The following DACH1 variants were observed in gnomAD, a reference collection of about 807,000 sequenced individuals.
The protein encoded by DACH1 is dachshund family transcription factor 1, also known as dachshund homolog 1.
In DACH1, 12 loss-of-function variants were observed where a neutral mutation model predicts 54.2. The ratio of observed to expected loss-of-function variants is 0.22; its 90% CI spans 0.14 to 0.36. DACH1 has a LOEUF of 0.36. Ranked by LOEUF, DACH1 falls within the 10% of genes least tolerant of loss-of-function variation. The probability of loss-of-function intolerance (pLI) is 1.00; values close to 1 mark genes in which losing one functional copy is unlikely to be tolerated. For missense variants in DACH1, 805 were observed against 929.8 expected, an observed-to-expected ratio of 0.87 and a Z score of 1.75; for synonymous variants, 386 against 366.2, an observed-to-expected ratio of 1.05 and a Z score of -0.62.
At chr13:71,625,452 A>G (rs1876576567) in intron 3 of DACH1, among the ~76,000 whole-genome samples, 1 of 152,070 alleles carries the variant, frequency 6.6e-6, no homozygotes, top group South Asian at 2.1e-4. Flanking sequence ...TTGTTTCTGC[A>G]GGAATGGTTA....
intron 1 of DACH1, among the ~76,000 whole-genome samples, chr13:71,813,159 GAAGAA>G (rs1175284290): frequency 1.3e-5 from 2 of 152,092 alleles, no homozygotes; most frequent in African/African-American, 2.4e-5. Context: ...CTTTCACAGA[GAAGAA>G]GAGATTAAAT....
intron 3 of DACH1, among the ~76,000 whole-genome samples, chr13:71,626,045 A>T (rs1876621940): frequency 6.6e-6 from 1 of 151,960 alleles, no homozygotes; most frequent in Non-Finnish European, 1.5e-5. Flanking sequence ...CTGTATACAT[A>T]GTGTTTTCCT....
Position 71,681,846 on chromosome 13 carries a change from T to C in DACH1, c.913A>G (p.Met305Val), listed in dbSNP as rs888954628. 4 of 1,614,054 alleles carry C rather than the reference T, an allele frequency of 2.5e-6. No homozygotes were observed. The South Asian group carries it at 4.4e-5, about 18-fold the overall frequency. Residue 305 changes from methionine to valine, a missense_variant, in exon 2 of 11, where the codon ATG (methionine) becomes GTG (valine). Transcript: ENST00000613252. ...SVTSPENSHI[M>V]PHSVPGLMSP... is the part of the protein sequence containing the mutation. ...ATGAGACCAGGGACAGAATGCGGCA[T>C]GATGTGAGAGTTCTCTGGGGAGGTG... is the stretch of plus-strand genomic sequence containing the variant.
intron 1 of DACH1, among the ~76,000 whole-genome samples, chr13:71,820,426 G>A (rs1490575819): frequency 6.6e-6 from 1 of 152,168 alleles, no homozygotes; most frequent in Non-Finnish European, 1.5e-5. Flanking sequence ...ATGCCACAGA[G>A]TCTATCTAAA....
intron 3 of DACH1, among the ~76,000 whole-genome samples, chr13:71,582,237 A>G (rs1305730711): frequency 1.3e-5 from 2 of 152,194 alleles, no homozygotes; most frequent in Non-Finnish European, 2.9e-5. Context: ...AGTTACACAG[A>G]TTATAATAAA....
chr13:71,465,478 G>A (rs915054), intron 10 of DACH1, among the ~76,000 whole-genome samples: 129,976 of 151,978 alleles, frequency 0.86, 58,650 homozygotes, highest in Non-Finnish European at 0.99. Flanking sequence ...CATGGGGGAT[G>A]AATACAAAAA....
intron 1 of DACH1, among the ~76,000 whole-genome samples, chr13:71,788,019 T>G (rs1183649917): frequency 2.0e-5 from 3 of 152,140 alleles, no homozygotes; most frequent in Non-Finnish European, 4.4e-5. Flanking sequence ...ACAGTTTAAC[T>G]GATATTTATA....
At chr13:71,768,175 T>C (rs1203180790) in intron 1 of DACH1, among the ~76,000 whole-genome samples, 1 of 151,978 alleles carries the variant, frequency 6.6e-6, no homozygotes, top group East Asian at 1.9e-4. Flanking sequence ...CTCTTTCTTT[T>C]AATATTCTTC....
Position 71,572,824 on chromosome 13 carries a change from A to G in DACH1, c.1299+16T>C. 3 of 1,601,792 alleles carry G rather than the reference A, an allele frequency of 1.9e-6. No individual in the cohort carries two copies. Among genetic ancestry groups the G allele is most frequent in the Non-Finnish European group, 2.6e-6 (3 of 1,173,770 alleles). On this transcript the variant is annotated intron_variant, in intron 4 of 10. Coordinates refer to ENST00000613252, the MANE Select transcript of DACH1 (RefSeq NM_080759.6). ...AAGATGAACATGCCAAAATAATTGT[A>G]TAAAAAAAGAATTACCTTAATAACT...
At chr13:71,845,336 A>T (rs1055406474) in intron 1 of DACH1, among the ~76,000 whole-genome samples, 2 of 152,228 alleles carry the variant, frequency 1.3e-5, no homozygotes, top group African/African-American at 4.8e-5. Context: ...AAAGTGTGCC[A>T]ATATGAAAAA....
Position 71,698,777 on chromosome 13 carries a change from T to A in DACH1, c.849-16867A>T, listed in dbSNP as rs147987759. Reference sequence around the variant, plus strand: ...GTATTTTCCTCTTGTGGATGCAATATGTTATTAAATCTTTACTTTCTTACT... The same window carrying A: ...GTATTTTCCTCTTGTGGATGCAATAAGTTATTAAATCTTTACTTTCTTACT... On this transcript the variant is annotated intron_variant, in intron 1 of 10. Transcript: ENST00000613252. 2.7e-3 allele frequency among the ~76,000 whole-genome samples: 409 copies of A among 152,140 alleles called. 1 individual carries two copies. The highest frequency in any genetic ancestry group is 9.5e-3 in the African/African-American group (392 of 41,448).
intron 2 of DACH1, 48 bp from the exon 3 acceptor site, chr13:71,630,765 A>G: frequency 1.3e-6 from 2 of 1,508,024 alleles, no homozygotes; most frequent in Non-Finnish European, 1.8e-6. Flanking sequence ...CTGATTTTTC[A>G]TTTAATAGTT....
At position 71,866,465 on chromosome 13, in the gene DACH1, C is replaced by A; in HGVS notation, c.305G>T (p.Ser102Ile). 1 of 1,287,240 alleles carries A rather than the reference C, an allele frequency of 7.8e-7. No homozygotes were observed. Among genetic ancestry groups the A allele is most frequent in the Admixed American group, 3.3e-5 (1 of 29,922 alleles). The allele number at this position is 1,287,240 out of a possible 1,614,324, so 79.7% of individuals were successfully genotyped here. A position where few individuals can be genotyped will look rare whatever the true frequency, so the allele number is the denominator to read the frequency against. Residue 102 changes from serine (S) to isoleucine (I), a missense_variant, in exon 1 of 11, where the codon AGC becomes ATC. This residue lies in a region of DACH1 where 305 missense variants were observed against 308.7 expected (regional missense o/e 0.99). Coordinates refer to ENST00000613252, the MANE Select transcript of DACH1 (RefSeq NM_080759.6). ...GGGGGGGGGG[S>I]NCNPNLAAAS... ...GGCCGCCAGGTTGGGGTTGCAGTTG[C>A]TGCCACCGCCGCCGCCGCCACCGCC...
At chr13:71,491,319 C>T (rs1386083385) in intron 6 of DACH1, among the ~76,000 whole-genome samples, 1 of 152,092 alleles carries the variant, frequency 6.6e-6, no homozygotes, top group African/African-American at 2.4e-5. Flanking sequence ...TTTTCCTTCA[C>T]TCATTATTTC....
chr13:71,831,111 C>T (rs556313253), intron 1 of DACH1, among the ~76,000 whole-genome samples: 29 of 151,824 alleles, frequency 1.9e-4, no homozygotes, highest in Non-Finnish European at 2.4e-4. Context: ...AAAGCCTTTT[C>T]GCCACCACAT....
At chr13:71,640,775 G>C (rs1877837677) in intron 2 of DACH1, among the ~76,000 whole-genome samples, 1 of 152,018 alleles carries the variant, frequency 6.6e-6, no homozygotes, top group South Asian at 2.1e-4. Context: ...CGATGTTTTT[G>C]TTTTGTTAAG....
chr13:71,834,191 C>CAGTA (rs1178666494), intron 1 of DACH1, among the ~76,000 whole-genome samples: 1 of 152,012 alleles, frequency 6.6e-6, no homozygotes, highest in Admixed American at 6.6e-5. Flanking sequence ...GTGCACTTCT[C>CAGTA]AGTAATCTCT....
At chr13:71,453,382 C>CAGAG (rs1207876999) in intron 10 of DACH1, among the ~76,000 whole-genome samples, 1 of 152,082 alleles carries the variant, frequency 6.6e-6, no homozygotes, top group Non-Finnish European at 1.5e-5. Flanking sequence ...TAAGATGCTA[C>CAGAG]AGAGAAGGAA....
intron 1 of DACH1, among the ~76,000 whole-genome samples, chr13:71,682,163 T>C (rs967432180): frequency 2.6e-5 from 4 of 152,210 alleles, no homozygotes; most frequent in East Asian, 3.8e-4. Flanking sequence ...TTAATATCTA[T>C]ACACAGTTTG....
Sources: gnomAD v4.1 joint callset for allele counts (sites outside exome capture counted in the v4.1 genomes callset) on GRCh38, gnomAD v4.1.1 for gene constraint, gnomAD v4.1.1 regional missense constraint, MANE v1.5 for transcripts, NCBI Gene and HGNC (gene_info 2026-07-23, HGNC 2026-07-21) for gene names.